TPM3: variants seen among roughly 807,000 people sequenced by gnomAD.
TPM3 encodes tropomyosin alpha-3 chain.
TPM3 carries 16 observed loss-of-function variants against 43.1 expected under a neutral mutation model. The ratio of observed to expected loss-of-function variants is 0.37; its 90% CI spans 0.25 to 0.56. The LOEUF is 0.56. Among genes scored for constraint, TPM3 ranks in the 20% least tolerant of loss-of-function variants. The pLI, the probability that TPM3 is intolerant of heterozygous loss-of-function variation, is 0.77. For missense variants in TPM3, 176 were observed against 337.2 expected, an observed-to-expected ratio of 0.52 and a Z score of 3.74; for synonymous variants, 101 against 116.9, an observed-to-expected ratio of 0.86 and a Z score of 0.88.
downstream of TPM3, among the ~76,000 whole-genome samples, chr1:154,158,442 TCTGA>T (rs1471405374): frequency 6.6e-6 from 1 of 152,140 alleles, no homozygotes; most frequent in African/African-American, 2.4e-5. Context: ...AGCAAACCAC[TCTGA>T]CTGCTCTAAA....
rs1479011333 is a variant in TPM3 at position 154,161,993 on chromosome 1, G to C, written c.*5944C>G. ...AGCTCCTTAAAGTTTTTGGTTCCCT[G>C]ATAATAGCTAAAACAAAACAAACGA... On this transcript the variant is annotated 3_prime_UTR_variant, in exon 10 of 10. Transcript: ENST00000651641. Among the ~76,000 whole-genome samples the C allele has an allele frequency of 1.3e-5, 2 of 152,094 alleles. No individual in the cohort carries two copies. Among genetic ancestry groups the C allele is most frequent in the East Asian group, 1.9e-4 (1 of 5,196 alleles).
chr1:154,174,649 C>G (rs530951157), intron 3 of TPM3, among the ~76,000 whole-genome samples: 1 of 150,628 alleles, frequency 6.6e-6, no homozygotes, highest in Non-Finnish European at 1.5e-5. Context: ...CGCGCCCCAC[C>G]ACGCCTGGCT....
At chr1:154,176,073 T>C (rs771357374) in intron 3 of TPM3, 42 bp downstream of exon 3, 2 of 1,611,812 alleles carry the variant, frequency 1.2e-6, no homozygotes, top group South Asian at 1.1e-5. Context: ...AGAACTATTA[T>C]GAACTTTTAA....
intron 2 of TPM3, among the ~76,000 whole-genome samples, chr1:154,177,904 G>A (rs564402906): frequency 2.4e-4 from 37 of 152,318 alleles, no homozygotes; most frequent in Middle Eastern, 3.4e-3. Context: ...GTCAACATAA[G>A]CTGAAATCAT....
At chr1:154,180,011 A>T (rs1214382163) in intron 2 of TPM3, among the ~76,000 whole-genome samples, 1 of 152,156 alleles carries the variant, frequency 6.6e-6, no homozygotes, top group Non-Finnish European at 1.5e-5. Context: ...TATCACCACT[A>T]CCACAAAAAA....
intron 3 of TPM3, among the ~76,000 whole-genome samples, chr1:154,174,700 G>A (rs1662100455): frequency 6.6e-6 from 1 of 151,094 alleles, no homozygotes; most frequent in Admixed American, 6.6e-5. Context: ...TTGCTGTGTT[G>A]GCTGGGGTGG....
chr1:154,172,002 C>T (rs1661627827), intron 5 of TPM3: 1 of 1,612,442 alleles, frequency 6.2e-7, no homozygotes, highest in Non-Finnish European at 8.5e-7. Context: ...ACATATATAA[C>T]CTTGCTGTGG....
chr1:154,191,122 C>A, intron 2 of TPM3, 64 bp downstream of exon 2: 1 of 1,612,558 alleles, frequency 6.2e-7, no homozygotes, highest in South Asian at 1.1e-5. Flanking sequence ...GGAATTTCGT[C>A]ATACATTAAC....
chr1:154,171,090 A>G (rs191514414), intron 6 of TPM3: 19 of 555,360 alleles, frequency 3.4e-5, no homozygotes, highest in African/African-American at 2.8e-4. Flanking sequence ...ATTGCTCATT[A>G]GGTCTCAGAG....
chr1:154,161,800 TA>T (rs1337675061), downstream of TPM3, among the ~76,000 whole-genome samples: 1 of 152,024 alleles, frequency 6.6e-6, no homozygotes, highest in Non-Finnish European at 1.5e-5. Context: ...AGGGAAGAAA[TA>T]AAGAGACAGA....
At chr1:154,157,486 G>A (rs1425297894), downstream of TPM3, 37 of 744,764 alleles carry the variant, frequency 5.0e-5, no homozygotes, top group South Asian at 3.7e-4. Context: ...ACAGTTTGGC[G>A]AAAAAGACAC....
chr1:154,172,425 TA>T, intron 5 of TPM3: 2 of 549,610 alleles, frequency 3.6e-6, no homozygotes, highest in East Asian at 9.3e-5. Flanking sequence ...ATTTTTTTTT[TA>T]AATTTATTTG....
chr1:154,183,314 C>T, intron 2 of TPM3: 2 of 1,478,630 alleles, frequency 1.4e-6, no homozygotes, highest in Non-Finnish European at 1.8e-6. Context: ...GGGAGAGCCG[C>T]GGCAGGGAGT....
At chr1:154,173,716 G>A (rs543263997) in intron 3 of TPM3, among the ~76,000 whole-genome samples, 7 of 151,708 alleles carry the variant, frequency 4.6e-5, no homozygotes, top group African/African-American at 1.2e-4. Context: ...CTGGCCAAGC[G>A]CAGTGGCTCA....
At position 154,170,447 on chromosome 1, in the gene TPM3, G is replaced by A. The variant is rs2148231268; in HGVS notation, c.728C>T (p.Ala243Val). 3.7e-6 allele frequency: 6 copies of A among 1,614,130 alleles called. No individual in the cohort carries two copies. Among genetic ancestry groups the A allele is most frequent in the Non-Finnish European group, 5.1e-6 (6 of 1,180,032 alleles). Residue 243 changes from alanine (A) to valine (V), a missense_variant, in exon 8 of 10, where the codon GCT becomes GTT. By Grantham distance (64) the Ala-to-Val change is moderately conservative. Around this residue, in one of 4 missense-constraint regions of TPM3, gnomAD observed 53 missense variants for 98.3 expected, o/e 0.54. Coordinates refer to ENST00000651641, the MANE Select transcript of TPM3 (RefSeq NM_152263.4). ...LKEAETRAEFAERSVAKLEKT... is the reference protein window; with the variant it reads ...LKEAETRAEFVERSVAKLEKT... ...TTCCAGCTTGGCTACCGATCTCTCAGCAAACTCAGCACGGGTCTCTGCCTG... is the reference window on the plus strand; with the variant it reads ...TTCCAGCTTGGCTACCGATCTCTCAACAAACTCAGCACGGGTCTCTGCCTG...
intron 2 of TPM3, among the ~76,000 whole-genome samples, chr1:154,177,784 C>G (rs1343153498): frequency 6.6e-6 from 1 of 152,120 alleles, no homozygotes; most frequent in Non-Finnish European, 1.5e-5. Context: ...TTTTAACCAT[C>G]AGGACTGGCA....
At chr1:154,160,729 ATGACAAACGTTCACCAT>A (rs1660262097), downstream of TPM3, among the ~76,000 whole-genome samples, 1 of 152,194 alleles carries the variant, frequency 6.6e-6, no homozygotes, top group Non-Finnish European at 1.5e-5. Context: ...CCTACTCTAA[ATGACAAACGTTCACCAT>A]TGACAAACAC....
chr1:154,185,264 C>G (rs1355454822), intron 2 of TPM3, among the ~76,000 whole-genome samples: 2 of 149,672 alleles, frequency 1.3e-5, no homozygotes, highest in Non-Finnish European at 2.9e-5. Flanking sequence ...TCCAGCTATT[C>G]AGGGAGGCTG....
chr1:154,173,905 G>T (rs778225169), intron 3 of TPM3, among the ~76,000 whole-genome samples: 1 of 151,130 alleles, frequency 6.6e-6, no homozygotes, highest in African/African-American at 2.4e-5. Context: ...ACTTGAACCC[G>T]GGAGGCAGAG....
Sources: gnomAD v4.1 joint callset for allele counts (sites outside exome capture counted in the v4.1 genomes callset) on GRCh38, gnomAD v4.1.1 for gene constraint, gnomAD v4.1.1 regional missense constraint, MANE v1.5 for transcripts, NCBI Gene and HGNC (gene_info 2026-07-23, HGNC 2026-07-21) for gene names.